CSMD3: variants seen among roughly 807,000 people sequenced by gnomAD.
CSMD3 encodes the protein CUB and sushi domain-containing protein 3.
CSMD3 carries 177 observed loss-of-function variants against 435.2 expected under a neutral mutation model. The ratio of observed to expected loss-of-function variants is 0.41; its 90% confidence interval spans 0.36 to 0.46. The LOEUF is 0.46. Ranked by LOEUF, CSMD3 falls within the 20% of genes least tolerant of loss-of-function variation. The pLI is 0.34. For missense variants in CSMD3, 4,265 were observed against 4,504.6 expected (o/e 0.95, Z 1.52); for synonymous variants, 1,656 against 1,520.5 (o/e 1.09, Z -2.07).
rs75759091 is a variant in CSMD3, at chr8:113,262,699, G to A, written c.514+15893C>T. Among the ~76,000 whole-genome samples, 462 of 152,104 alleles carry A rather than the reference G, an allele frequency of 3.0e-3. 16 individuals are homozygous for A. In the East Asian group the frequency reaches 0.059, roughly 19 times the overall value. On this transcript the variant is annotated intron_variant, in intron 3 of 70. Coordinates refer to ENST00000297405, the MANE Select transcript of CSMD3 (RefSeq NM_198123.2). ...AGGAACCAAAGGGAGCCTCTAAAAC[G>A]TAAGAAAATTTTCCAGTCAATAGCT... is the stretch of plus-strand genomic sequence containing the variant.
At chr8:113,308,952 T>C (rs1361172790) in intron 2 of CSMD3, among the ~76,000 whole-genome samples, 1 of 152,084 alleles carries the variant, frequency 6.6e-6, no homozygotes, top group Non-Finnish European at 1.5e-5. Flanking sequence ...TTTGTTTTCT[T>C]TTGTTTTGTT....
intron 3 of CSMD3, among the ~76,000 whole-genome samples, chr8:113,271,042 A>G (rs2093521020): frequency 6.6e-6 from 1 of 151,756 alleles, no homozygotes; most frequent in East Asian, 1.9e-4. Flanking sequence ...GGAACTTTGC[A>G]CTTCAGAGGG....
chr8:113,107,060 A>T (rs567943115), intron 4 of CSMD3, among the ~76,000 whole-genome samples: 1 of 152,132 alleles, frequency 6.6e-6, no homozygotes, highest in Non-Finnish European at 1.5e-5. Flanking sequence ...TGGGCCTTAG[A>T]CAACCATGAA....
intron 3 of CSMD3, among the ~76,000 whole-genome samples, chr8:113,215,518 C>T (rs2092893763): frequency 2.0e-5 from 3 of 151,776 alleles, no homozygotes; most frequent in Non-Finnish European, 4.4e-5. Context: ...TCATTATCTT[C>T]TAAATGGATA....
chr8:112,689,527 CTA>C (rs2076086311), intron 14 of CSMD3, among the ~76,000 whole-genome samples: 2 of 151,870 alleles, frequency 1.3e-5, no homozygotes. Context: ...TAAACATATA[CTA>C]TCTTATTAAA....
chr8:112,386,671 G>C (rs1213697858), intron 36 of CSMD3, among the ~76,000 whole-genome samples: 1 of 152,008 alleles, frequency 6.6e-6, no homozygotes, highest in African/African-American at 2.4e-5. Flanking sequence ...CTAATTTTTT[G>C]TATTTTTAGT....
At chr8:112,434,436 C>T (rs536869041) in intron 32 of CSMD3, among the ~76,000 whole-genome samples, 2 of 152,212 alleles carry the variant, frequency 1.3e-5, no homozygotes, top group Admixed American at 1.3e-4. Flanking sequence ...CTCTGCAAAG[C>T]ATCTTCCTTT....
At chr8:113,423,367 C>T (rs576528462) in intron 1 of CSMD3, among the ~76,000 whole-genome samples, 3 of 152,082 alleles carry the variant, frequency 2.0e-5, no homozygotes, top group East Asian at 1.9e-4. Context: ...CTGAGATTCT[C>T]TTTTGTGCTA....
Position 112,286,946 on chromosome 8 carries a change from T to C in CSMD3, c.9331+118A>G, listed in dbSNP as rs992101851. On this transcript the variant is annotated intron_variant, in intron 58 of 70. Coordinates refer to ENST00000297405, the MANE Select transcript of CSMD3 (RefSeq NM_198123.2). Reference sequence around the variant, plus strand: ...TATAATGGGAATACGACTGTTTTATTTCATAGTTGCAGGCAGAATAAACTA... The same window carrying C: ...TATAATGGGAATACGACTGTTTTATCTCATAGTTGCAGGCAGAATAAACTA... The C allele has an allele frequency of 1.1e-5, 9 of 824,204 alleles. No homozygotes were observed. In the African/African-American group the frequency reaches 1.2e-4, roughly 11 times the overall value. The allele number at this position is 824,204 out of a possible 1,614,324, so 51.1% of individuals were successfully genotyped here. A position where few individuals can be genotyped will look rare whatever the true frequency, so the allele number is the denominator to read the frequency against.
intron 13 of CSMD3, among the ~76,000 whole-genome samples, chr8:112,778,746 A>G (rs1278464383): frequency 9.2e-5 from 14 of 151,960 alleles, no homozygotes; most frequent in African/African-American, 3.4e-4. Flanking sequence ...TAGTTTTGTA[A>G]GAAACTACCA....
chr8:112,351,229 T>A lies in CSMD3; in HGVS notation c.6271A>T (p.Thr2091Ser), dbSNP rs773449538. 1 of 1,608,866 alleles carries A rather than the reference T, an allele frequency of 6.2e-7. No homozygotes were observed. The highest frequency in any genetic ancestry group is 8.5e-7 in the Non-Finnish European group (1 of 1,175,614). ...CTTCTTACAGGTCCTGGCATACATG[T>A]AATGTGAGAGTGACCCTACATAAAC... ...GYSLQGHSHI[T>S]CMPGPVRRWN... Residue 2091 changes from threonine (T) to serine (S), a missense_variant, in exon 40 of 71, where the codon ACA becomes TCA. Transcript: ENST00000297405.
chr8:113,414,889 C>T (rs1160891219), intron 1 of CSMD3, among the ~76,000 whole-genome samples: 1 of 151,950 alleles, frequency 6.6e-6, no homozygotes, highest in Non-Finnish European at 1.5e-5. Context: ...TCACTTCAGC[C>T]CAGGAGGCAG....
intron 32 of CSMD3, among the ~76,000 whole-genome samples, chr8:112,469,918 A>C (rs1412819550): frequency 1.3e-5 from 2 of 152,234 alleles, no homozygotes; most frequent in Non-Finnish European, 2.9e-5. Context: ...GTGATATGTG[A>C]TGAAGTAATA....
intron 2 of CSMD3, among the ~76,000 whole-genome samples, chr8:113,288,120 A>G (rs747911042): frequency 6.6e-6 from 1 of 151,880 alleles, no homozygotes; most frequent in Non-Finnish European, 1.5e-5. Context: ...TAATTCTTAG[A>G]TAAGATGATA....
chr8:112,247,883 A>G (rs982075708), intron 63 of CSMD3, among the ~76,000 whole-genome samples: 3 of 152,152 alleles, frequency 2.0e-5, no homozygotes, highest in Non-Finnish European at 4.4e-5. Context: ...TTACAGAAAA[A>G]TGGAAAAGAT....
chr8:112,696,894 C>T (rs1293610773), intron 13 of CSMD3, among the ~76,000 whole-genome samples: 1 of 152,116 alleles, frequency 6.6e-6, no homozygotes, highest in African/African-American at 2.4e-5. Context: ...AAACAAACAA[C>T]CCCATCACAA....
At chr8:112,959,108 T>G (rs917209988) in intron 7 of CSMD3, among the ~76,000 whole-genome samples, 9 of 152,116 alleles carry the variant, frequency 5.9e-5, no homozygotes, top group African/African-American at 2.2e-4. Context: ...TTCATTGCTA[T>G]GCATATATAG....
intron 50 of CSMD3, 62 bp downstream of exon 50, chr8:112,310,916 A>G: frequency 2.1e-6 from 3 of 1,399,108 alleles, no homozygotes; most frequent in Non-Finnish European, 3.0e-6. Flanking sequence ...TCCAAATAAA[A>G]ACGTTAAATG....
intron 32 of CSMD3, among the ~76,000 whole-genome samples, chr8:112,437,104 T>G (rs1371068664): frequency 1.3e-5 from 2 of 152,048 alleles, no homozygotes; most frequent in South Asian, 2.1e-4. Flanking sequence ...TAAGATTTAG[T>G]GCCTAAACCA....
Sources: gnomAD v4.1 joint callset for allele counts (sites outside exome capture counted in the v4.1 genomes callset) on GRCh38, gnomAD v4.1.1 for gene constraint, MANE v1.5 for transcripts, NCBI Gene and HGNC (gene_info 2026-07-23, HGNC 2026-07-21) for gene names.